DNAH5: variants seen among roughly 807,000 people sequenced by gnomAD.
The protein encoded by DNAH5 is dynein axonemal heavy chain 5.
DNAH5 carries 372 observed loss-of-function variants against 518.2 expected under a neutral mutation model. The observed-to-expected ratio is 0.72, with a 90% confidence interval of 0.66 to 0.78. The LOEUF is 0.78. Ranked by LOEUF, DNAH5 falls within the 30% of genes least tolerant of loss-of-function variation. The probability of loss-of-function intolerance (pLI) is 0.00; values close to 1 mark genes in which losing one functional copy is unlikely to be tolerated. For synonymous variants in DNAH5, 2,039 were observed against 2,025.9 expected (o/e 1.01, Z -0.17); for missense variants, 5,523 against 5,687.0 (o/e 0.97, Z 0.93).
chr5:13,973,404 A>G (rs1481750394), intron 1 of DNAH5, among the ~76,000 whole-genome samples: 1 of 152,260 alleles, frequency 6.6e-6, no homozygotes, highest in Non-Finnish European at 1.5e-5. Flanking sequence ...TATGAAATTA[A>G]TACAACCACT....
intron 45 of DNAH5, among the ~76,000 whole-genome samples, chr5:13,809,651 C>G (rs956498310): frequency 9.2e-5 from 14 of 152,124 alleles, no homozygotes; most frequent in African/African-American, 3.1e-4. Flanking sequence ...TATATTTATA[C>G]ATACACCAAT....
intron 31 of DNAH5, 68 bp downstream of exon 31, chr5:13,850,584 C>T (rs1415437660): frequency 1.4e-6 from 2 of 1,439,300 alleles, no homozygotes; most frequent in Non-Finnish European, 2.0e-6. Context: ...TTGGCTAATG[C>T]TATCTAGTCT....
At chr5:13,810,748 C>T (rs541000409) in intron 44 of DNAH5, among the ~76,000 whole-genome samples, 2 of 142,974 alleles carry the variant, frequency 1.4e-5, no homozygotes, top group South Asian at 4.5e-4. Context: ...TGCGAGACTC[C>T]ATGTCAAAAA....
At chr5:13,810,304 C>G (rs1290226079) in intron 44 of DNAH5, 44 bp from the exon 45 acceptor site, 2 of 1,514,982 alleles carry the variant, frequency 1.3e-6, no homozygotes, top group African/African-American at 1.4e-5. Context: ...GATTCTGAAA[C>G]CCAAACGTTG....
At chr5:13,814,919 A>T in intron 42 of DNAH5, 73 bp from the exon 43 acceptor site, 5 of 1,382,260 alleles carry the variant, frequency 3.6e-6, no homozygotes, top group Non-Finnish European at 5.0e-6. Flanking sequence ...AGTTTAAAAT[A>T]GCTTGAAGAA....
chr5:13,794,115 A>G, intron 47 of DNAH5, 57 bp from the exon 48 acceptor site: 1 of 1,611,192 alleles, frequency 6.2e-7, no homozygotes, highest in South Asian at 1.1e-5. Flanking sequence ...AACCTGGTCA[A>G]TTATTTTAAA....
intron 3 of DNAH5, among the ~76,000 whole-genome samples, chr5:13,927,810 T>C (rs1045024963): frequency 2.6e-5 from 4 of 152,186 alleles, no homozygotes; most frequent in Non-Finnish European, 4.4e-5. Context: ...ATTATCTTCA[T>C]TGCCAGCACA....
chr5:13,734,476 T>G lies in DNAH5; in HGVS notation c.11761+655A>C, dbSNP rs116224964. 3.8e-3 allele frequency among the ~76,000 whole-genome samples: 586 copies of G among 152,326 alleles called. 5 individuals are homozygous for G. The highest frequency in any genetic ancestry group is 6.7e-3 in the Non-Finnish European group (456 of 68,028). On this transcript the variant is annotated intron_variant, in intron 68 of 78. Transcript: ENST00000265104. ...GCCCAGGGGACACGGCTGTGAGCAA[T>G]GCTTCAGTAGATGCAGAATAAATCA...
chr5:13,883,043 G>C lies in DNAH5; in HGVS notation c.3035C>G (p.Ala1012Gly). 1.2e-6 allele frequency: 2 copies of C among 1,614,144 alleles called. No individual in the cohort carries two copies. Among genetic ancestry groups the C allele is most frequent in the Non-Finnish European group, 1.7e-6 (2 of 1,180,018 alleles). ...MKQNSLPIFR[A>G]SVTLAIPNIV... ...GTTGGGAATGGCCAGAGTGACGCTTGCCCGGAAAATGGGCAAACTGTTCTG... is the reference window on the plus strand; with the variant it reads ...GTTGGGAATGGCCAGAGTGACGCTTCCCCGGAAAATGGGCAAACTGTTCTG... The change falls in exon 20 of 79, where the codon GCA becomes GGA. Residue 1012 changes from alanine to glycine, a missense_variant. By Grantham distance (60) the Ala-to-Gly change is moderately conservative. Around this residue, in one of 3 missense-constraint regions of DNAH5, gnomAD observed 5,121 missense variants for 5,223.3 expected, o/e 0.98. Transcript: ENST00000265104.
intron 30 of DNAH5, among the ~76,000 whole-genome samples, chr5:13,855,231 C>T (rs1255652937): frequency 9.0e-5 from 3 of 33,500 alleles, no homozygotes; most frequent in Non-Finnish European, 1.3e-4. Context: ...TTTTTTGAGA[C>T]GGAGTCTCGC....
chr5:13,888,662 A>T (rs1237302893), intron 17 of DNAH5, among the ~76,000 whole-genome samples: 1 of 152,222 alleles, frequency 6.6e-6, no homozygotes, highest in Non-Finnish European at 1.5e-5. Flanking sequence ...CTATAATAAA[A>T]CAGTGTTTGT....
intron 12 of DNAH5, among the ~76,000 whole-genome samples, chr5:13,902,616 T>C (rs1774786591): frequency 6.6e-6 from 1 of 152,180 alleles, no homozygotes; most frequent in Non-Finnish European, 1.5e-5. Flanking sequence ...TCATCACAGC[T>C]ACTCACTTCT....
rs191184291 is a variant in DNAH5 at position 13,775,461 on chromosome 5, G to A, written c.9373+978C>T. ...GATAAAGATAGATGGATAGATAATG[G>A]ATCGATGGATAGATAATTAATAGAT... is the stretch of plus-strand genomic sequence containing the variant. On this transcript the variant is annotated intron_variant, in intron 55 of 78. Transcript: ENST00000265104. Among the ~76,000 whole-genome samples the A allele has an allele frequency of 1.2e-3, 185 of 151,598 alleles. 1 individual carries two copies. Among genetic ancestry groups the A allele is most frequent in the African/African-American group, 4.3e-3 (178 of 40,964 alleles).
At chr5:13,901,120 C>T (rs534355302) in intron 14 of DNAH5, 132 bp downstream of exon 14, 16 of 898,764 alleles carry the variant, frequency 1.8e-5, no homozygotes, top group Middle Eastern at 2.1e-4. Context: ...ACACTCTGAA[C>T]GCTTAGATTC....
intron 41 of DNAH5, 129 bp downstream of exon 41, chr5:13,820,217 T>C (rs1050274186): frequency 1.1e-5 from 11 of 995,950 alleles, no homozygotes; most frequent in Non-Finnish European, 1.7e-5. Context: ...TTCCCAATAA[T>C]TAATAAAGCA....
At chr5:13,842,380 C>G (rs1011694732) in intron 32 of DNAH5, among the ~76,000 whole-genome samples, 3 of 128,780 alleles carry the variant, frequency 2.3e-5, no homozygotes, top group Non-Finnish European at 3.3e-5. Context: ...GACTCCGTCT[C>G]AAAAAAAGAA....
At chr5:13,909,405 A>C (rs954784324) in intron 12 of DNAH5, among the ~76,000 whole-genome samples, 3 of 152,064 alleles carry the variant, frequency 2.0e-5, no homozygotes, top group Admixed American at 1.3e-4. Flanking sequence ...TACTATACTC[A>C]CCTATTTTCA....
chr5:13,894,242 T>C (rs1214663378), intron 16 of DNAH5, among the ~76,000 whole-genome samples: 1 of 152,236 alleles, frequency 6.6e-6, no homozygotes, highest in Non-Finnish European at 1.5e-5. Context: ...CTATTATATC[T>C]CTTTTTAAGG....
intron 15 of DNAH5, chr5:13,897,506 T>C (rs1330965158): frequency 1.3e-5 from 2 of 152,250 alleles, no homozygotes; most frequent in South Asian, 4.1e-4. Flanking sequence ...TTTGTAACTA[T>C]TAGCCTGTAC....
Sources: gnomAD v4.1 joint callset for allele counts (sites outside exome capture counted in the v4.1 genomes callset) on GRCh38, gnomAD v4.1.1 for gene constraint, gnomAD v4.1.1 regional missense constraint, MANE v1.5 for transcripts, NCBI Gene and HGNC (gene_info 2026-07-23, HGNC 2026-07-21) for gene names.